The following TTC34 variants were observed in gnomAD, a reference collection of about 807,000 sequenced individuals.
TTC34 encodes the protein tetratricopeptide repeat protein 34.
Under a neutral mutation model 40.7 loss-of-function variants are expected in TTC34, and 44 were observed. The ratio of observed to expected loss-of-function variants is 1.08; its 90% CI spans 0.85 to 1.39. TTC34 has a LOEUF of 1.39. Among genes scored for constraint, TTC34 ranks in the 40% most tolerant of loss-of-function variants. The probability of loss-of-function intolerance (pLI) is 0.00; values close to 1 mark genes in which losing one functional copy is unlikely to be tolerated. For missense variants in TTC34, 884 were observed against 838.0 expected (o/e 1.05, Z -0.68); for synonymous variants, 422 against 398.6 (o/e 1.06, Z -0.70).
intron 6 of TTC34, among the ~76,000 whole-genome samples, chr1:2,758,229 A>C (rs1253709957): frequency 0.073 from 1,712 of 23,470 alleles, no homozygotes; most frequent in African/African-American, 0.093. Context: ...GGAACAGCAC[A>C]CACACCCCCA....
At chr1:2,757,226 A>C in intron 6 of TTC34, among the ~76,000 whole-genome samples, 1 of 91,758 alleles carries the variant, frequency 1.1e-5, no homozygotes. Flanking sequence ...CAGCACCCAC[A>C]CCCCCAGGTA....
At chr1:2,773,424 G>T (rs1642656589) in intron 6 of TTC34, among the ~76,000 whole-genome samples, 2 of 87,400 alleles carry the variant, frequency 2.3e-5, no homozygotes, top group African/African-American at 8.1e-5. Flanking sequence ...ACACCCCCAG[G>T]TGAGCATCTG....
chr1:2,753,280 G>A (rs1641387170), intron 6 of TTC34, among the ~76,000 whole-genome samples: 2 of 130,900 alleles, frequency 1.5e-5, no homozygotes, highest in Non-Finnish European at 3.2e-5. Flanking sequence ...TGACAGCCTG[G>A]AACAGCACCC....
At chr1:2,773,309 C>T (rs1642615774) in intron 6 of TTC34, among the ~76,000 whole-genome samples, 3 of 108,426 alleles carry the variant, frequency 2.8e-5, no homozygotes, top group Admixed American at 9.3e-5. Flanking sequence ...CCCAGGTGAG[C>T]ATCTGACAGC....
intron 6 of TTC34, among the ~76,000 whole-genome samples, chr1:2,759,899 C>T (rs1258197217): frequency 2.4e-4 from 33 of 136,704 alleles, no homozygotes; most frequent in African/African-American, 9.1e-4. Context: ...GAGCATCTGA[C>T]AGCCTGGAAC....
intron 2 of TTC34, among the ~76,000 whole-genome samples, chr1:2,794,337 G>C (rs1156534589): frequency 6.6e-6 from 1 of 152,116 alleles, no homozygotes. Flanking sequence ...TTTCAATAAA[G>C]TTTTATACTT....
chr1:2,771,561 C>G (rs553532047), intron 6 of TTC34, among the ~76,000 whole-genome samples: 1 of 70,836 alleles, frequency 1.4e-5, no homozygotes, highest in South Asian at 7.4e-4. Flanking sequence ...GCAGCACACA[C>G]AACCCCAGGC....
chr1:2,783,901 G>A (rs1011471121), intron 5 of TTC34, 126 bp from the exon 6 acceptor site: 3 of 878,824 alleles, frequency 3.4e-6, no homozygotes, highest in Non-Finnish European at 3.2e-6. Context: ...GAGCTCACAG[G>A]CCACTGGGCA....
At chr1:2,795,424 T>G (rs1216429298) in intron 2 of TTC34, among the ~76,000 whole-genome samples, 1 of 152,182 alleles carries the variant, frequency 6.6e-6, no homozygotes, top group African/African-American at 2.4e-5. Flanking sequence ...TCCGGGGCCT[T>G]GGTGATGGCT....
rs990031438 is a variant in TTC34, at chr1:2,641,387, G to C, written c.3221C>G (p.Ser1074Ter). The C allele has an allele frequency of 2.0e-5, 30 of 1,520,756 alleles. No individual in the cohort carries two copies. In the African/African-American group the frequency reaches 4.1e-4, roughly 21 times the overall value. 94.2% of individuals were successfully genotyped at this position (1,520,756 alleles called of 1,614,324 possible). A position where few individuals can be genotyped will look rare whatever the true frequency, so the allele number is the denominator to read the frequency against. Reference sequence around the variant, plus strand: ...GCCCAGTCACTGTAGCCAGCAGCCTGAGGATGCCTCCCTCCGGATTCTGGC... The same window carrying C: ...GCCCAGTCACTGTAGCCAGCAGCCTCAGGATGCCTCCCTCCGGATTCTGGC... Residue 1074 changes from serine (S) to a stop codon, truncating the protein, a stop_gained, in exon 9 of 9, where the codon TCA becomes TGA. Coordinates refer to ENST00000401095, the Ensembl canonical transcript of TTC34. LOFTEE classifies it high-confidence loss of function.
chr1:2,697,225 C>A (rs371455936), intron 6 of TTC34, among the ~76,000 whole-genome samples: 4 of 99,078 alleles, frequency 4.0e-5, no homozygotes, highest in African/African-American at 1.6e-4. Context: ...ATCTGACAGC[C>A]TGGAACAGCA....
At chr1:2,780,145 T>C (rs189076620) in intron 6 of TTC34, among the ~76,000 whole-genome samples, 1 of 152,310 alleles carries the variant, frequency 6.6e-6, no homozygotes, top group Non-Finnish European at 1.5e-5. Flanking sequence ...GGCTTTGTTG[T>C]TGTTGAGTTT....
At chr1:2,764,246 G>A (rs1641725849) in intron 6 of TTC34, among the ~76,000 whole-genome samples, 2 of 150,294 alleles carry the variant, frequency 1.3e-5, no homozygotes, top group Non-Finnish European at 3.0e-5. Context: ...CTGACAGCCT[G>A]GAGCAGCACG....
In TTC34 at chr1:2,752,423, A is replaced by T. The variant is rs1414279277; in HGVS notation, c.2226+31186T>A. Among the ~76,000 whole-genome samples, 4 of 135,880 alleles carry T rather than the reference A, an allele frequency of 2.9e-5. No homozygotes were observed. In the East Asian group the frequency reaches 9.6e-4, roughly 33 times the overall value. The allele number at this position is 135,880 out of a possible 152,430, so 89.1% of individuals were successfully genotyped here. On this transcript the variant is annotated intron_variant, in intron 6 of 8. Coordinates refer to ENST00000401095, the Ensembl canonical transcript of TTC34. ...ACAGCACCCACACACCCAGGTGAGC[A>T]TCTGACAGCCTGGAACAGCACCCTG...
chr1:2,752,880 G>C (rs878965721), intron 6 of TTC34, among the ~76,000 whole-genome samples: 1 of 140,740 alleles, frequency 7.1e-6, no homozygotes, highest in African/African-American at 2.7e-5. Flanking sequence ...TGATGGCCTG[G>C]AACGGCACCC....
rs770389540 is a variant in TTC34 at position 2,645,592 on chromosome 1, G to A, written c.2227-29C>T. 4.1e-6 allele frequency: 6 copies of A among 1,445,888 alleles called. No individual in the cohort carries two copies. Among genetic ancestry groups the A allele is most frequent in the Non-Finnish European group, 4.5e-6 (5 of 1,102,522 alleles). The allele number at this position is 1,445,888 out of a possible 1,614,324, so 89.6% of individuals were successfully genotyped here. A position where few individuals can be genotyped will look rare whatever the true frequency, so the allele number is the denominator to read the frequency against. On this transcript the variant is annotated intron_variant, in intron 6 of 8. Coordinates refer to ENST00000401095, the Ensembl canonical transcript of TTC34. This position sits in a 1 kb window ranked among gnomAD's most constrained non-coding sequence, Gnocchi z 4.7. The stretch of plus-strand genomic sequence containing the variant: ...CAAGGAGGGAGGGCGGGCGGGTGCA[G>A]AGTTGTCCTAAGTAGAGAAACTGGG...
At chr1:2,779,417 G>A (rs772272762) in intron 6 of TTC34, among the ~76,000 whole-genome samples, 40 of 151,962 alleles carry the variant, frequency 2.6e-4, no homozygotes, top group Middle Eastern at 3.2e-3. Flanking sequence ...CCCACCTCCC[G>A]GGTTCAAGCG....
chr1:2,698,543 G>A (rs1347931531), intron 6 of TTC34, among the ~76,000 whole-genome samples: 3 of 33,058 alleles, frequency 9.1e-5, no homozygotes, highest in Non-Finnish European at 2.1e-4. Flanking sequence ...GGTGAGCATC[G>A]GGCAGCCTGG....
chr1:2,694,792 A>C (rs375968041), intron 6 of TTC34, among the ~76,000 whole-genome samples: 1,179 of 23,532 alleles, frequency 0.05, 70 homozygotes, highest in Middle Eastern at 0.1. Context: ...GCACCCACAC[A>C]CCCAGGCGAG....
Sources: gnomAD v4.1 joint callset for allele counts (sites outside exome capture counted in the v4.1 genomes callset) on GRCh38, gnomAD v4.1.1 for gene constraint, Gnocchi (gnomAD v3.1) non-coding constraint, MANE v1.5 for transcripts, NCBI Gene and HGNC (gene_info 2026-07-23, HGNC 2026-07-21) for gene names.